Variants in WDR70 observed in about 807,000 individuals in gnomAD.
WDR70 encodes the protein WD repeat-containing protein 70.
Under a neutral mutation model 88.6 loss-of-function variants are expected in WDR70, and 53 were observed. That is an observed-to-expected ratio of 0.60 (90% CI 0.48 to 0.75). The LOEUF (loss-of-function observed/expected upper bound fraction) is 0.75. Among genes scored for constraint, WDR70 ranks in the 30% least tolerant of loss-of-function variants. The pLI, the probability that WDR70 is intolerant of heterozygous loss-of-function variation, is 0.00. For synonymous variants in WDR70, 280 were observed against 270.0 expected, an observed-to-expected ratio of 1.04 and a Z score of -0.36; for missense variants, 610 against 823.2, an observed-to-expected ratio of 0.74 and a Z score of 3.17.
At chr5:37,449,590 CA>C (rs376148041) in intron 7 of WDR70, among the ~76,000 whole-genome samples, 4,265 of 85,726 alleles carry the variant, frequency 0.05, 149 homozygotes, top group African/African-American at 0.11. Flanking sequence ...AATTTTGTCT[CA>C]AAAAAAAAAA....
intron 9 of WDR70, among the ~76,000 whole-genome samples, chr5:37,560,251 G>T (rs1015062715): frequency 4.6e-5 from 7 of 152,120 alleles, no homozygotes; most frequent in Non-Finnish European, 8.8e-5. Context: ...GTTTGGAGAA[G>T]CAGATCAGGG....
chr5:37,379,875 T>A (rs1447221552), intron 2 of WDR70, among the ~76,000 whole-genome samples: 1 of 152,196 alleles, frequency 6.6e-6, no homozygotes, highest in East Asian at 1.9e-4. Flanking sequence ...TTCGGTAGGG[T>A]AGATTTCTAA....
At chr5:37,434,688 A>T in intron 5 of WDR70, among the ~76,000 whole-genome samples, 1 of 152,160 alleles carries the variant, frequency 6.6e-6, no homozygotes. Context: ...ATTTACCATC[A>T]TTGTTGTTAT....
At chr5:37,441,838 AC>A (rs1750664097) in intron 6 of WDR70, among the ~76,000 whole-genome samples, 1 of 151,946 alleles carries the variant, frequency 6.6e-6, no homozygotes. Flanking sequence ...AAACAAAAAA[AC>A]CTTTGATTCT....
intron 9 of WDR70, among the ~76,000 whole-genome samples, chr5:37,560,598 C>T (rs1742472118): frequency 6.6e-6 from 1 of 152,102 alleles, no homozygotes; most frequent in African/African-American, 2.4e-5. Context: ...ACCATAATTT[C>T]TTCAAGTTAT....
chr5:37,717,979 C>T (rs2112689808), intron 13 of WDR70, among the ~76,000 whole-genome samples: 1 of 152,284 alleles, frequency 6.6e-6, no homozygotes, highest in Middle Eastern at 3.4e-3. Context: ...CTTAAGTATC[C>T]TCTGCCTAAA....
chr5:37,443,136 G>A, intron 6 of WDR70, 103 bp from the exon 7 acceptor site: 2 of 1,296,528 alleles, frequency 1.5e-6, no homozygotes, highest in Non-Finnish European at 1.0e-6. Context: ...GTACTTCCAA[G>A]TCCTATAACA....
chr5:37,631,453 A>G (rs896848158), intron 10 of WDR70, among the ~76,000 whole-genome samples: 2 of 152,160 alleles, frequency 1.3e-5, no homozygotes, highest in Non-Finnish European at 2.9e-5. Flanking sequence ...TAGTAGTAAT[A>G]ATAATTATTT....
intron 10 of WDR70, among the ~76,000 whole-genome samples, chr5:37,670,152 T>C (rs976498619): frequency 6.6e-6 from 1 of 152,152 alleles, no homozygotes; most frequent in East Asian, 1.9e-4. Context: ...CTACATAGTT[T>C]AAGTGAGCAA....
At chr5:37,649,768 C>T (rs1199140811) in intron 10 of WDR70, among the ~76,000 whole-genome samples, 127 of 95,282 alleles carry the variant, frequency 1.3e-3, no homozygotes, top group South Asian at 1.8e-3. Flanking sequence ...GACGGAGTCT[C>T]GCTCTGTCGC....
At chr5:37,487,735 C>T (rs1739931560) in intron 8 of WDR70, among the ~76,000 whole-genome samples, 1 of 150,966 alleles carries the variant, frequency 6.6e-6, no homozygotes, top group Non-Finnish European at 1.5e-5. Context: ...AAGTGATTCC[C>T]CTGCCTCAGC....
At chr5:37,564,327 C>T (rs1269867667) in intron 9 of WDR70, among the ~76,000 whole-genome samples, 1 of 152,238 alleles carries the variant, frequency 6.6e-6, no homozygotes, top group Admixed American at 6.5e-5. Context: ...AGCTGGAGAC[C>T]AGCCCGGCCA....
At chr5:37,649,589 T>C (rs1307856297) in intron 10 of WDR70, among the ~76,000 whole-genome samples, 1 of 151,494 alleles carries the variant, frequency 6.6e-6, no homozygotes, top group African/African-American at 2.4e-5. Flanking sequence ...TCTGATCTTT[T>C]ATGGTTTGCC....
At chr5:37,697,447 C>T (rs1747013581) in intron 10 of WDR70, among the ~76,000 whole-genome samples, 1 of 152,164 alleles carries the variant, frequency 6.6e-6, no homozygotes, top group Non-Finnish European at 1.5e-5. Context: ...GACTTACCTT[C>T]TCTGTTCTTT....
chr5:37,691,950 G>A (rs186114710), intron 10 of WDR70, among the ~76,000 whole-genome samples: 63 of 152,194 alleles, frequency 4.1e-4, no homozygotes, highest in African/African-American at 1.4e-3. Flanking sequence ...AAAATTGATA[G>A]ACCACTAGCA....
At chr5:37,653,725 A>C (rs868323406) in intron 10 of WDR70, among the ~76,000 whole-genome samples, 23 of 152,174 alleles carry the variant, frequency 1.5e-4, no homozygotes, top group Admixed American at 5.9e-4. Context: ...GTTTATTTGC[A>C]TAGAGGTGTT....
At chr5:37,719,825 T>G (rs1330552624) in intron 13 of WDR70, among the ~76,000 whole-genome samples, 1 of 133,180 alleles carries the variant, frequency 7.5e-6, no homozygotes, top group African/African-American at 2.8e-5. Flanking sequence ...TCTTTGTTTT[T>G]TTCTTTCTTT....
chr5:37,415,777 T>G (rs1328227624), intron 5 of WDR70, among the ~76,000 whole-genome samples: 60 of 110,514 alleles, frequency 5.4e-4, no homozygotes, highest in African/African-American at 1.5e-3. Flanking sequence ...GGGCGGAGGG[T>G]CTCCTCACTT....
chr5:37,673,368 T>G (rs568428922), intron 10 of WDR70, among the ~76,000 whole-genome samples: 1 of 152,294 alleles, frequency 6.6e-6, no homozygotes, highest in Non-Finnish European at 1.5e-5. Context: ...AACATATATA[T>G]GCATGTGTTT....
Sources: allele counts gnomAD v4.1 joint callset (sites outside exome capture counted in the v4.1 genomes callset), GRCh38; gene constraint gnomAD v4.1.1; transcripts MANE v1.5; gene names NCBI Gene and HGNC (gene_info 2026-07-23, HGNC 2026-07-21).